The following LAMTOR5 variants were observed in gnomAD, a reference collection of about 807,000 sequenced individuals.
The protein encoded by LAMTOR5 is ragulator complex protein LAMTOR5.
In LAMTOR5, 8 loss-of-function variants were observed where a neutral mutation model predicts 12.1. That is an observed-to-expected ratio of 0.66 (90% CI 0.39 to 1.19). LAMTOR5 has a LOEUF of 1.19. Among genes scored for constraint, LAMTOR5 ranks in the 50% most tolerant of loss-of-function variants. The pLI, the probability that LAMTOR5 is intolerant of heterozygous loss-of-function variation, is 0.01. For synonymous variants in LAMTOR5, 37 were observed against 41.9 expected (o/e 0.88, Z 0.45); for missense variants, 110 against 112.8 (o/e 0.97, Z 0.11).
intron 3 of LAMTOR5, chr1:110,403,658 C>A: frequency 2.9e-6 from 1 of 348,244 alleles, no homozygotes; most frequent in Non-Finnish European, 5.1e-6. Context: ...GATTAGTTTT[C>A]CTTTGTGCTA....
intron 1 of LAMTOR5, chr1:110,406,704 A>T: frequency 3.4e-6 from 1 of 290,218 alleles, no homozygotes; most frequent in Non-Finnish European, 6.5e-6. Flanking sequence ...CATGACTGTA[A>T]TCCCAGCTAC....
Position 110,406,303 on chromosome 1 carries a change from A to G in LAMTOR5, c.97+15T>C. 4 of 1,566,954 alleles carry G rather than the reference A, an allele frequency of 2.6e-6. No homozygotes were observed. The highest frequency in any genetic ancestry group is 2.6e-6 in the Non-Finnish European group (3 of 1,145,664). ...CTATGCAATTCATCAAATAGTTGGT[A>G]TGAGAGATACTTACAACCCAGATTA... On this transcript the variant is annotated intron_variant, in intron 2 of 3. Transcript: ENST00000602318.
At chr1:110,405,042 C>T (rs1266517150) in intron 2 of LAMTOR5, among the ~76,000 whole-genome samples, 3 of 140,542 alleles carry the variant, frequency 2.1e-5, no homozygotes, top group African/African-American at 8.0e-5. Context: ...AGCAAGATTT[C>T]GTCTCAAAAA....
In LAMTOR5 at chr1:110,403,913, A is replaced by G; in HGVS notation, c.215+6T>C. On this transcript the variant is annotated splice_donor_region_variant and intron_variant, in intron 3 of 3. Transcript: ENST00000602318. The stretch of plus-strand genomic sequence containing the variant: ...AAAAGGAAAGGATCTGCTGAAATCT[A>G]CTCACCCATTATCTGATTCTAGACA... 1 of 1,611,584 alleles carries G rather than the reference A, an allele frequency of 6.2e-7. No homozygotes were observed. Among genetic ancestry groups the G allele is most frequent in the Non-Finnish European group, 8.5e-7 (1 of 1,179,202 alleles).
chr1:110,407,885 G>A (rs1040998406), upstream of LAMTOR5: 4 of 1,608,752 alleles, frequency 2.5e-6, no homozygotes, highest in Admixed American at 1.7e-5. Flanking sequence ...CGGCCGGCAC[G>A]GATTATTCCC....
intron 1 of LAMTOR5, chr1:110,407,049 G>A: frequency 1.4e-6 from 1 of 699,082 alleles, no homozygotes; most frequent in Non-Finnish European, 2.6e-6. Flanking sequence ...GAGGGTAAGT[G>A]GAAGCTGAGG....
chr1:110,406,369 G>C lies in LAMTOR5; in HGVS notation c.46C>G (p.Pro16Ala), dbSNP rs768953245. The change falls in exon 2 of 4, where the codon CCC becomes GCC. Residue 16 changes from proline (P) to alanine (A), a missense_variant. Transcript: ENST00000602318. ...GTGCACAGGACTCCAACAATGGAGG[G>C]ATTCTTCATTCTAATTCCAGGAACA... ...EQHLEDTMKNPSIVGVLCTDS... is the reference protein window; with the variant it reads ...EQHLEDTMKNASIVGVLCTDS... 1 of 1,608,198 alleles carries C rather than the reference G, an allele frequency of 6.2e-7. No homozygotes were observed. Among genetic ancestry groups the C allele is most frequent in the South Asian group, 1.1e-5 (1 of 90,140 alleles).
intron 3 of LAMTOR5, chr1:110,403,686 G>T: frequency 2.9e-5 from 13 of 447,672 alleles, no homozygotes; most frequent in South Asian, 1.4e-4. Flanking sequence ...CTTTCTTTTT[G>T]TTGGTAAACT....
At chr1:110,407,763 C>T (rs1171682844), upstream of LAMTOR5, 4 of 1,614,086 alleles carry the variant, frequency 2.5e-6, no homozygotes, top group Non-Finnish European at 3.4e-6. Context: ...GCAACGTCCG[C>T]GTTCTTTACT....
upstream of LAMTOR5, chr1:110,407,750 G>C (rs762889014): frequency 1.2e-6 from 2 of 1,614,030 alleles, no homozygotes; most frequent in Non-Finnish European, 8.5e-7. Context: ...AATTGATCAC[G>C]GTGCAACGTC....
At chr1:110,407,147 TA>T in intron 1 of LAMTOR5, 1 of 615,598 alleles carries the variant, frequency 1.6e-6, no homozygotes, top group South Asian at 1.9e-5. Flanking sequence ...TCGAAAAATT[TA>T]AAGAATGATT....
At chr1:110,407,392 G>A (rs576958997) in intron 1 of LAMTOR5, 194 bp downstream of exon 1, 5 of 701,492 alleles carry the variant, frequency 7.1e-6, no homozygotes, top group Admixed American at 5.9e-5. Context: ...TGCGGTGCCC[G>A]GCAGGATTTT....
rs1271746821 is a variant in LAMTOR5, at chr1:110,407,629, C to T, written c.-9G>A. The T allele has an allele frequency of 1.2e-5, 20 of 1,614,228 alleles. No individual in the cohort carries two copies. Among genetic ancestry groups the T allele is most frequent in the Non-Finnish European group, 1.6e-5 (19 of 1,180,042 alleles). On this transcript the variant is annotated 5_prime_UTR_variant, in exon 1 of 4. In the 5' UTR this introduces an upstream ATG that the reference lacks. Coordinates refer to ENST00000602318, the MANE Select transcript of LAMTOR5 (RefSeq NM_001382293.1). ...TCCAAGGTCGCCTCCATCCCACCCA[C>T]CGACCACTCCGGCTCAGAACCCAGC...
chr1:110,403,686 G>A, intron 3 of LAMTOR5: 2 of 447,690 alleles, frequency 4.5e-6, no homozygotes, highest in Non-Finnish European at 7.4e-6. Flanking sequence ...CTTTCTTTTT[G>A]TTGGTAAACT....
At chr1:110,405,943 G>A (rs1663320552) in intron 2 of LAMTOR5, among the ~76,000 whole-genome samples, 1 of 152,114 alleles carries the variant, frequency 6.6e-6, no homozygotes, top group African/African-American at 2.4e-5. Flanking sequence ...CCACCTTGCC[G>A]GGTTGTTGTG....
chr1:110,407,436 G>T, intron 1 of LAMTOR5, 150 bp downstream of exon 1: 2 of 984,660 alleles, frequency 2.0e-6, no homozygotes, highest in Non-Finnish European at 2.9e-6. Flanking sequence ...CTGCGGCCTT[G>T]GGTAGAGTTT....
At chr1:110,403,202 A>G (rs781441524) in intron 3 of LAMTOR5, among the ~76,000 whole-genome samples, 2 of 148,582 alleles carry the variant, frequency 1.3e-5, no homozygotes, top group Non-Finnish European at 3.0e-5. Context: ...GCATGACTGT[A>G]TGTTTTTTCT....
At chr1:110,403,204 G>GT (rs1663261511) in intron 3 of LAMTOR5, among the ~76,000 whole-genome samples, 2 of 145,972 alleles carry the variant, frequency 1.4e-5, no homozygotes, top group South Asian at 2.2e-4. Context: ...ATGACTGTAT[G>GT]TTTTTTCTTT....
At chr1:110,407,708 C>G (rs775921533), upstream of LAMTOR5, 13 of 1,614,078 alleles carry the variant, frequency 8.1e-6, no homozygotes, top group Admixed American at 2.2e-4. Context: ...GCGAGCGGGG[C>G]GTGGACCGTA....
Sources: gnomAD v4.1 joint callset for allele counts (sites outside exome capture counted in the v4.1 genomes callset) on GRCh38, gnomAD v4.1.1 for gene constraint, MANE v1.5 for transcripts, NCBI Gene and HGNC (gene_info 2026-07-23, HGNC 2026-07-21) for gene names.